Variants in EFHC2 observed in about 807,000 individuals in gnomAD.
EFHC2 encodes the protein EF-hand domain containing 2.
EFHC2 carries 18 observed loss-of-function variants against 52.7 expected under a neutral mutation model. The ratio of observed to expected loss-of-function variants is 0.34; its 90% CI spans 0.24 to 0.51. The LOEUF (loss-of-function observed/expected upper bound fraction) is 0.51, where lower values mean the gene tolerates loss of function less well. Among genes scored for constraint, EFHC2 ranks in the 20% least tolerant of loss-of-function variants. The probability of loss-of-function intolerance (pLI) is 0.97; values close to 1 mark genes in which losing one functional copy is unlikely to be tolerated. For synonymous variants in EFHC2, 203 were observed against 204.1 expected, an observed-to-expected ratio of 0.99 and a Z score of 0.04; for missense variants, 513 against 562.5, an observed-to-expected ratio of 0.91 and a Z score of 0.89.
intron 11 of EFHC2, among the ~76,000 whole-genome samples, chrX:44,210,753 G>A (rs763297102): frequency 5.3e-5 from 6 of 112,531 alleles, no homozygotes; most frequent in Admixed American, 1.9e-4. Flanking sequence ...AGAAACCTGT[G>A]TGGCCTTGGA....
intron 11 of EFHC2, among the ~76,000 whole-genome samples, chrX:44,188,005 C>T (rs2147286587): frequency 9.5e-6 from 1 of 104,808 alleles, no homozygotes. Flanking sequence ...GAGTCTCGCT[C>T]TGTCACCCAG....
At position 44,287,981 on chromosome X, in the gene EFHC2, C is replaced by T. The variant is rs771895077; in HGVS notation, c.232-15145G>A. Among the ~76,000 whole-genome samples the T allele has an allele frequency of 5.3e-5, 6 of 112,164 alleles. No individual in the cohort carries two copies. In the Admixed American group the frequency reaches 5.7e-4, roughly 11 times the overall value. The stretch of plus-strand genomic sequence containing the variant: ...TTTGCTTTTTCAGTTGGTTTTTATT[C>T]ATATCTAACTTCAAAATTCATACCT... On this transcript the variant is annotated intron_variant, in intron 2 of 14. Transcript: ENST00000420999.
rs983175858 is a variant in EFHC2, at chrX:44,235,587, T to C, written c.1281-140A>G. ...CCAAAGTGAAAGAGTTCAACCATCG[T>C]CTAATTAAGGTTCTAAATCTAAATG... On this transcript the variant is annotated intron_variant, in intron 8 of 14. Coordinates refer to ENST00000420999, the MANE Select transcript of EFHC2 (RefSeq NM_025184.4). 2.3e-5 allele frequency: 13 copies of C among 566,340 alleles called. No homozygotes were observed. In the Admixed American group the frequency reaches 6.1e-4, roughly 27 times the overall value. The allele number at this position is 566,340 out of a possible 1,213,427, so 46.7% of individuals were successfully genotyped here.
intron 14 of EFHC2, among the ~76,000 whole-genome samples, chrX:44,159,630 G>C (rs73628309): frequency 0.031 from 3,518 of 111,923 alleles, 158 homozygotes; most frequent in African/African-American, 0.11. Context: ...CTTTCTGAAT[G>C]CCTCCTGCAG....
chrX:44,306,616 G>A (rs2037907309), intron 2 of EFHC2, among the ~76,000 whole-genome samples: 1 of 111,948 alleles, frequency 8.9e-6, no homozygotes, highest in Non-Finnish European at 1.9e-5. Flanking sequence ...CTGCCGCAGG[G>A]GCCATGCGGG....
intron 1 of EFHC2, among the ~76,000 whole-genome samples, chrX:44,340,781 A>G (rs1235872810): frequency 8.9e-6 from 1 of 112,271 alleles, no homozygotes; most frequent in African/African-American, 3.2e-5. Context: ...ATACCCACCA[A>G]CCAAAATATC....
chrX:44,324,951 C>T (rs919360614), intron 1 of EFHC2, among the ~76,000 whole-genome samples: 1 of 111,968 alleles, frequency 8.9e-6, no homozygotes, highest in African/African-American at 3.2e-5. Flanking sequence ...TTACTAAAAC[C>T]TCTCCAAAAC....
At chrX:44,290,953 C>T (rs1184100221) in intron 2 of EFHC2, among the ~76,000 whole-genome samples, 1 of 111,524 alleles carries the variant, frequency 9.0e-6, no homozygotes, top group Non-Finnish European at 1.9e-5. Context: ...ACCCCCAACT[C>T]GATTCTTGTC....
chrX:44,217,810 C>T (rs758712488), intron 11 of EFHC2, among the ~76,000 whole-genome samples: 23 of 111,381 alleles, frequency 2.1e-4, no homozygotes, highest in African/African-American at 6.8e-4. Context: ...TAGTCAATAA[C>T]AATTTAACTG....
intron 11 of EFHC2, among the ~76,000 whole-genome samples, chrX:44,216,186 C>T (rs1462210904): frequency 8.9e-6 from 1 of 112,507 alleles, no homozygotes; most frequent in African/African-American, 3.2e-5. Flanking sequence ...TAAAAATTAA[C>T]AGCTAATAAC....
At chrX:44,169,582 T>C (rs1416440169) in intron 13 of EFHC2, among the ~76,000 whole-genome samples, 1 of 111,205 alleles carries the variant, frequency 9.0e-6, no homozygotes, top group Non-Finnish European at 1.9e-5. Flanking sequence ...GGCCTTAAAA[T>C]CTTAGCAATA....
At chrX:44,313,985 C>T (rs772278515) in intron 1 of EFHC2, among the ~76,000 whole-genome samples, 6 of 111,038 alleles carry the variant, frequency 5.4e-5, no homozygotes, top group Non-Finnish European at 1.1e-4. Context: ...ATAGACAAAT[C>T]TCAAAAACTG....
chrX:44,305,506 GATA>G (rs1414484612), intron 2 of EFHC2, among the ~76,000 whole-genome samples: 3 of 111,410 alleles, frequency 2.7e-5, no homozygotes, highest in African/African-American at 6.5e-5. Context: ...CTTAATAACA[GATA>G]ATAATAATAA....
intron 11 of EFHC2, among the ~76,000 whole-genome samples, chrX:44,182,309 T>C (rs1022854148): frequency 4.4e-5 from 5 of 112,827 alleles, no homozygotes; most frequent in Non-Finnish European, 7.5e-5. Flanking sequence ...GTTCATTATA[T>C]GAATGTGCCA....
intron 2 of EFHC2, among the ~76,000 whole-genome samples, chrX:44,297,746 AC>A (rs1337722447): frequency 9.7e-6 from 1 of 102,619 alleles, no homozygotes; most frequent in Non-Finnish European, 2.0e-5. Context: ...AAAAAAAAAA[AC>A]CGATGATGAT....
intron 14 of EFHC2, among the ~76,000 whole-genome samples, chrX:44,153,418 T>C (rs142485530): frequency 8.9e-6 from 1 of 111,991 alleles, no homozygotes; most frequent in African/African-American, 3.2e-5. Flanking sequence ...ATTTTTCCTT[T>C]TGTCACTCTT....
At chrX:44,238,375 A>C (rs986476472) in intron 8 of EFHC2, among the ~76,000 whole-genome samples, 8 of 111,632 alleles carry the variant, frequency 7.2e-5, no homozygotes, top group African/African-American at 9.8e-5. Flanking sequence ...CTTCTTACCC[A>C]GTCTTAATTT....
At chrX:44,205,258 T>C (rs941015084) in intron 11 of EFHC2, among the ~76,000 whole-genome samples, 1 of 111,371 alleles carries the variant, frequency 9.0e-6, no homozygotes, top group East Asian at 2.8e-4. Context: ...CACATAAGTA[T>C]AAAGCCGAGA....
rs769417165 is a variant in EFHC2 at position 44,312,663 on chromosome X, C to T, written c.136G>A (p.Glu46Lys). The change falls in exon 2 of 15, where the codon GAA becomes AAA. Residue 46 changes from glutamate to lysine, a missense_variant. Transcript: ENST00000420999. ...TTTATCTTTTGCCCCAGAAGTGGTTCTCCACCTATTCCAGGCTTTTCATCA... is the reference window on the plus strand; with the variant it reads ...TTTATCTTTTGCCCCAGAAGTGGTTTTCCACCTATTCCAGGCTTTTCATCA... The part of the protein sequence containing the change: ...VSDEKPGIGG[E>K]PLLGQKIKPK... 8.3e-7 allele frequency: 1 copy of T among 1,210,286 alleles called. No individual in the cohort carries two copies. Among genetic ancestry groups the T allele is most frequent in the Admixed American group, 2.2e-5 (1 of 45,889 alleles).
Sources: allele counts gnomAD v4.1 joint callset (sites outside exome capture counted in the v4.1 genomes callset), GRCh38; gene constraint gnomAD v4.1.1; transcripts MANE v1.5; gene names NCBI Gene and HGNC (gene_info 2026-07-23, HGNC 2026-07-21).